The following SYK variants were observed in gnomAD, a reference collection of about 807,000 sequenced individuals.
SYK encodes the protein spleen associated tyrosine kinase.
In SYK, 16 loss-of-function variants were observed where a neutral mutation model predicts 77.8. The observed-to-expected ratio is 0.21, with a 90% CI of 0.14 to 0.31. SYK has a LOEUF of 0.31. Among genes scored for constraint, SYK ranks in the 10% least tolerant of loss-of-function variants. The pLI is 1.00. For synonymous variants in SYK, 312 were observed against 308.7 expected (o/e 1.01, Z -0.11); for missense variants, 529 against 814.4 (o/e 0.65, Z 4.26).
intron 11 of SYK, among the ~76,000 whole-genome samples, chr9:90,881,308 C>T (rs116446540): frequency 0.013 from 1,995 of 152,174 alleles, 38 homozygotes; most frequent in African/African-American, 0.046. Context: ...TTGGAAGCAG[C>T]AAAAAGAGAC....
At position 90,895,860 on chromosome 9, in the gene SYK, A is replaced by T; in HGVS notation, c.*260A>T. ...TTGTTTTCTTGTCTGTGTGATTTTC[A>T]TACAGGTTATTTTTACGATCTGTTT... On this transcript the variant is annotated 3_prime_UTR_variant, in exon 14 of 14. Coordinates refer to ENST00000375754, the MANE Select transcript of SYK (RefSeq NM_003177.7). The surrounding 1 kb of genome is among the most constrained non-coding windows in gnomAD (Gnocchi z 4.4). 2.1e-6 allele frequency: 1 copy of T among 475,264 alleles called. No homozygotes were observed. 29.4% of individuals were successfully genotyped at this position (475,264 alleles called of 1,614,324 possible). A position where few individuals can be genotyped will look rare whatever the true frequency, so the allele number is the denominator to read the frequency against.
intron 13 of SYK, among the ~76,000 whole-genome samples, chr9:90,889,368 C>T (rs767252065): frequency 5.9e-5 from 9 of 152,232 alleles, no homozygotes; most frequent in Non-Finnish European, 8.8e-5. Flanking sequence ...AGAGCCCACA[C>T]AGCTGAGAAT....
intron 1 of SYK, among the ~76,000 whole-genome samples, chr9:90,817,226 A>G: frequency 6.6e-6 from 1 of 152,196 alleles, no homozygotes; most frequent in East Asian, 1.9e-4. Context: ...CCTGGATAAG[A>G]TGCTCTTTTA....
At position 90,867,334 on chromosome 9, in the gene SYK, T is replaced by C; in HGVS notation, c.915+135T>C. The C allele has an allele frequency of 9.0e-6, 8 of 889,682 alleles. No homozygotes were observed. The South Asian group carries it at 1.2e-4, about 13-fold the overall frequency. 55.1% of individuals were successfully genotyped at this position (889,682 alleles called of 1,614,324 possible). On this transcript the variant is annotated intron_variant, in intron 7 of 13. Coordinates refer to ENST00000375754, the MANE Select transcript of SYK (RefSeq NM_003177.7). Reference sequence around the variant, plus strand: ...ACTCTGCTTCCAGGCCTCTTTGCCCTTGCTCACACCTGCTGTTCCTGGGCA... The same window carrying C: ...ACTCTGCTTCCAGGCCTCTTTGCCCCTGCTCACACCTGCTGTTCCTGGGCA...
At chr9:90,839,787 A>G (rs2118580870) in intron 1 of SYK, among the ~76,000 whole-genome samples, 1 of 152,292 alleles carries the variant, frequency 6.6e-6, no homozygotes, top group African/African-American at 2.4e-5. Context: ...GGCCAGGTAC[A>G]CAGTGACAGG....
intron 11 of SYK, among the ~76,000 whole-genome samples, chr9:90,884,143 A>ATG (rs766699208): frequency 0.021 from 2,327 of 111,950 alleles, 166 homozygotes; most frequent in African/African-American, 0.023. Flanking sequence ...ACATATATAT[A>ATG]TGTGTGTGTG....
chr9:90,866,997 C>T, intron 6 of SYK, 134 bp from the exon 7 acceptor site: 2 of 866,146 alleles, frequency 2.3e-6, no homozygotes, highest in Admixed American at 2.0e-5. Context: ...TGCCCGTGGT[C>T]GATCTCATTG....
chr9:90,851,732 G>C (rs1335018422), intron 3 of SYK, among the ~76,000 whole-genome samples: 2 of 152,150 alleles, frequency 1.3e-5, no homozygotes, highest in African/African-American at 4.8e-5. Context: ...AGTCACAGCT[G>C]TCTGTGAAAA....
chr9:90,857,754 G>A (rs1827098094), intron 3 of SYK, among the ~76,000 whole-genome samples: 1 of 152,126 alleles, frequency 6.6e-6, no homozygotes, highest in South Asian at 2.1e-4. Flanking sequence ...ACCACTGTTG[G>A]GAGATGGCTC....
intron 1 of SYK, among the ~76,000 whole-genome samples, chr9:90,817,862 TGTGTGTGTGTGTGTGTGTGTGA>T (rs1825345967): frequency 1.5e-5 from 1 of 65,160 alleles, no homozygotes; most frequent in Non-Finnish European, 3.6e-5. Context: ...TGTGTGTGTG[TGTGTGTGTGTGTGTGTGTGTGA>T]GAGAGAGAGA....
intron 1 of SYK, among the ~76,000 whole-genome samples, chr9:90,808,567 G>GTCTTGTGCACAGAC (rs1457217970): frequency 6.6e-6 from 1 of 152,016 alleles, no homozygotes; most frequent in Non-Finnish European, 1.5e-5. Context: ...TGTGCACAGG[G>GTCTTGTGCACAGAC]CAGGATGGGC....
Position 90,897,061 on chromosome 9 carries a change from T to C in SYK, c.*1461T>C. 1 of 220,248 alleles carries C rather than the reference T, an allele frequency of 4.5e-6. No individual in the cohort carries two copies. The allele number at this position is 220,248 out of a possible 1,614,324, so 13.6% of individuals were successfully genotyped here. A position where few individuals can be genotyped will look rare whatever the true frequency, so the allele number is the denominator to read the frequency against. Reference sequence around the variant, plus strand: ...ACAAAAAAACAACTTAAAGAGGTAATTTAGCCATCATTCTTATGCCAGCAG... The same window carrying C: ...ACAAAAAAACAACTTAAAGAGGTAACTTAGCCATCATTCTTATGCCAGCAG... On this transcript the variant is annotated 3_prime_UTR_variant, in exon 14 of 14. Coordinates refer to ENST00000375754, the MANE Select transcript of SYK (RefSeq NM_003177.7).
At chr9:90,865,152 GA>G (rs1360443664) in intron 6 of SYK, 55 bp downstream of exon 6, 9 of 1,556,478 alleles carry the variant, frequency 5.8e-6, no homozygotes, top group African/African-American at 1.4e-5. Flanking sequence ...TTTCACAAAT[GA>G]AAAGCATGTT....
intron 1 of SYK, among the ~76,000 whole-genome samples, chr9:90,839,055 A>T (rs911884088): frequency 3.3e-5 from 5 of 152,202 alleles, no homozygotes; most frequent in African/African-American, 1.2e-4. Flanking sequence ...AGTGGAGCTG[A>T]GAACAGCAGC....
At position 90,844,009 on chromosome 9, in the gene SYK, G is replaced by C. The variant is rs1400590058; in HGVS notation, c.111G>C (p.Gly37=). 6.2e-7 allele frequency: 1 copy of C among 1,611,556 alleles called. No homozygotes were observed. Among genetic ancestry groups the C allele is most frequent in the Non-Finnish European group, 8.5e-7 (1 of 1,178,766 alleles). Residue 37 remains glycine, a synonymous_variant, in exon 2 of 14, where the codon GGG becomes GGC. Coordinates refer to ENST00000375754, the MANE Select transcript of SYK (RefSeq NM_003177.7). ...DYLVQGGMSD[G]LYLLRQSRNY... ...TGGTCCAGGGGGGCATGAGTGATGG[G>C]CTTTATTTGCTGCGCCAGAGCCGCA...
At chr9:90,894,398 C>A (rs12684815) in intron 13 of SYK, among the ~76,000 whole-genome samples, 1 of 152,180 alleles carries the variant, frequency 6.6e-6, no homozygotes, top group Non-Finnish European at 1.5e-5. Context: ...CTGATCAATT[C>A]GAGCAGTTTT....
chr9:90,813,019 C>T (rs1488131653), intron 1 of SYK, among the ~76,000 whole-genome samples: 2 of 152,068 alleles, frequency 1.3e-5, no homozygotes, highest in East Asian at 1.9e-4. Flanking sequence ...TGACCTGTAA[C>T]ATTTTCTACA....
chr9:90,890,563 C>T (rs917481031), intron 13 of SYK, among the ~76,000 whole-genome samples: 4 of 152,230 alleles, frequency 2.6e-5, no homozygotes, highest in Admixed American at 2.0e-4. Context: ...CACCCCAGTC[C>T]GCTCTGCAGG....
At chr9:90,823,032 A>G (rs1471234093) in intron 1 of SYK, among the ~76,000 whole-genome samples, 2 of 152,170 alleles carry the variant, frequency 1.3e-5, no homozygotes, top group African/African-American at 2.4e-5. Context: ...TTACTCTCCA[A>G]GGGAAAACAC....
Sources: allele counts gnomAD v4.1 joint callset (sites outside exome capture counted in the v4.1 genomes callset), GRCh38; gene constraint gnomAD v4.1.1; non-coding constraint Gnocchi (gnomAD v3.1); transcripts MANE v1.5; gene names NCBI Gene and HGNC (gene_info 2026-07-23, HGNC 2026-07-21).